The following NCS1 variants were observed in gnomAD, a reference collection of about 807,000 sequenced individuals.
The protein encoded by NCS1 is neuronal calcium sensor 1, also known as frequenin homolog.
Under a neutral mutation model 28.4 loss-of-function variants are expected in NCS1, and 6 were observed. The observed-to-expected ratio is 0.21, with a 90% CI of 0.12 to 0.42. The LOEUF (loss-of-function observed/expected upper bound fraction) is 0.42, where lower values mean the gene tolerates loss of function less well. Ranked by LOEUF, NCS1 falls within the 10% of genes least tolerant of loss-of-function variation. The pLI is 1.00. For synonymous variants in NCS1, 86 were observed against 99.3 expected, an observed-to-expected ratio of 0.87 and a Z score of 0.79; for missense variants, 131 against 241.4, an observed-to-expected ratio of 0.54 and a Z score of 3.03.
chr9:130,221,845 TA>T (rs377040948), intron 4 of NCS1, among the ~76,000 whole-genome samples: 702 of 2,756 alleles, frequency 0.25, 77 homozygotes, highest in East Asian at 0.37. Context: ...TATATATACA[TA>T]AATATAAATT....
rs1243030644 is a variant in NCS1 at position 130,180,243 on chromosome 9, A to T, written c.64+7516A>T. On this transcript the variant is annotated intron_variant, in intron 1 of 7. Transcript: ENST00000372398. This position sits in a 1 kb window ranked among gnomAD's most constrained non-coding sequence, Gnocchi z 4.5. Reference sequence around the variant, plus strand: ...GAGATGGGGTCTTGCCATTTTGGCCAGGTTGGTCTCAAACTCCTAGCCTCA... The same window carrying T: ...GAGATGGGGTCTTGCCATTTTGGCCTGGTTGGTCTCAAACTCCTAGCCTCA... Among the ~76,000 whole-genome samples the T allele has an allele frequency of 4.6e-5, 7 of 152,078 alleles. No individual in the cohort carries two copies. Among genetic ancestry groups the T allele is most frequent in the African/African-American group, 1.7e-4 (7 of 41,400 alleles).
chr9:130,230,475 G>A (rs1162007656), intron 7 of NCS1, among the ~76,000 whole-genome samples: 1 of 152,160 alleles, frequency 6.6e-6, no homozygotes, highest in Non-Finnish European at 1.5e-5. Context: ...TTGGGAGGCC[G>A]AAGTGGGAGG....
chr9:130,183,387 G>A (rs1554905330), intron 1 of NCS1, among the ~76,000 whole-genome samples: 1 of 152,238 alleles, frequency 6.6e-6, no homozygotes, highest in Non-Finnish European at 1.5e-5. Context: ...GGGGCCCCAG[G>A]AAGCTGGTGA....
chr9:130,210,502 C>T (rs986656625), intron 2 of NCS1, among the ~76,000 whole-genome samples: 1 of 151,784 alleles, frequency 6.6e-6, no homozygotes, highest in South Asian at 2.1e-4. Context: ...GCTGGTGGGA[C>T]GAGGTAACGG....
At chr9:130,173,715 G>C (rs1279580275) in intron 1 of NCS1, among the ~76,000 whole-genome samples, 1 of 152,158 alleles carries the variant, frequency 6.6e-6, no homozygotes, top group African/African-American at 2.4e-5. Flanking sequence ...CCGGGCAGCT[G>C]CGTGGGCCCA....
chr9:130,208,552 G>A (rs1833062162), intron 2 of NCS1, among the ~76,000 whole-genome samples: 1 of 152,136 alleles, frequency 6.6e-6, no homozygotes, highest in South Asian at 2.1e-4. Flanking sequence ...TGGGATTATG[G>A]GCATGAGCCA....
chr9:130,214,666 A>C (rs1239761003), intron 2 of NCS1, among the ~76,000 whole-genome samples: 3 of 152,206 alleles, frequency 2.0e-5, no homozygotes, highest in African/African-American at 7.2e-5. Context: ...GCCAGGGGAC[A>C]GGTCGAGGCC....
At chr9:130,174,201 G>A (rs1215705990) in intron 1 of NCS1, among the ~76,000 whole-genome samples, 1 of 152,236 alleles carries the variant, frequency 6.6e-6, no homozygotes, top group Non-Finnish European at 1.5e-5. Context: ...GGGTCCCTGT[G>A]CCGGGGGAGG....
In NCS1 at chr9:130,186,955, C is replaced by T. The variant is rs1005278589; in HGVS notation, c.65-14003C>T. On this transcript the variant is annotated intron_variant, in intron 1 of 7. Coordinates refer to ENST00000372398, the MANE Select transcript of NCS1 (RefSeq NM_014286.4). This position sits in a 1 kb window ranked among gnomAD's most constrained non-coding sequence, Gnocchi z 4.1. ...GCTTATGTGGCCAGAAGCAGATCCG[C>T]GGAAGTCCCTTGGCCTCTCCAAGCT... Among the ~76,000 whole-genome samples the T allele has an allele frequency of 6.6e-5, 10 of 152,310 alleles. No individual in the cohort carries two copies. The highest frequency in any genetic ancestry group is 1.2e-4 in the African/African-American group (5 of 41,566).
rs1438362234 is a variant in NCS1, at chr9:130,181,999, G to T, written c.64+9272G>T. Reference sequence around the variant, plus strand: ...CCAAAGGCTGGGAGCTCAGCTGCCAGGTCTGGAACCAGGTGATAAGCTGCC... The same window carrying T: ...CCAAAGGCTGGGAGCTCAGCTGCCATGTCTGGAACCAGGTGATAAGCTGCC... On this transcript the variant is annotated intron_variant, in intron 1 of 7. Coordinates refer to ENST00000372398, the MANE Select transcript of NCS1 (RefSeq NM_014286.4). This position sits in a 1 kb window ranked among gnomAD's most constrained non-coding sequence, Gnocchi z 5.0. Among the ~76,000 whole-genome samples, 1 of 152,082 alleles carries T rather than the reference G, an allele frequency of 6.6e-6. No homozygotes were observed. Among genetic ancestry groups the T allele is most frequent in the South Asian group, 2.1e-4 (1 of 4,830 alleles).
At chr9:130,200,900 C>G in intron 1 of NCS1, 58 bp from the exon 2 acceptor site, 1 of 1,610,498 alleles carries the variant, frequency 6.2e-7, no homozygotes, top group African/African-American at 1.3e-5. Flanking sequence ...GAATGTCTGC[C>G]CATCTCCCGG....
At chr9:130,200,838 G>T in intron 1 of NCS1, 120 bp from the exon 2 acceptor site, 1 of 1,488,330 alleles carries the variant, frequency 6.7e-7, no homozygotes, top group South Asian at 1.1e-5. Flanking sequence ...GCAGGCCGTT[G>T]CCCGGGGACA....
At chr9:130,176,486 G>A (rs1832573357) in intron 1 of NCS1, among the ~76,000 whole-genome samples, 1 of 152,074 alleles carries the variant, frequency 6.6e-6, no homozygotes, top group South Asian at 2.1e-4. Context: ...CTGAGCCACC[G>A]CACCCGGCCT....
At chr9:130,176,332 A>G (rs1348825524) in intron 1 of NCS1, among the ~76,000 whole-genome samples, 1 of 151,464 alleles carries the variant, frequency 6.6e-6, no homozygotes, top group Non-Finnish European at 1.5e-5. Context: ...AGCTGGGACC[A>G]TGGGTGTACA....
chr9:130,218,366 CAT>C (rs779524831), intron 3 of NCS1, among the ~76,000 whole-genome samples: 8 of 152,230 alleles, frequency 5.3e-5, no homozygotes, highest in Non-Finnish European at 7.3e-5. Context: ...GAAATGCACA[CAT>C]ATGCACACAA....
chr9:130,189,879 A>AAAAAATAT (rs1554906056), intron 1 of NCS1, among the ~76,000 whole-genome samples: 2 of 37,748 alleles, frequency 5.3e-5, no homozygotes, highest in African/African-American at 1.2e-4. Flanking sequence ...AAAAAAAAAA[A>AAAAAATAT]ATATATATAT....
At chr9:130,208,109 A>C (rs1279385023) in intron 2 of NCS1, among the ~76,000 whole-genome samples, 1 of 151,256 alleles carries the variant, frequency 6.6e-6, no homozygotes, top group Non-Finnish European at 1.5e-5. Context: ...CATTATCCTG[A>C]GTGGAGACAG....
intron 1 of NCS1, among the ~76,000 whole-genome samples, chr9:130,173,311 C>G (rs1588104712): frequency 6.6e-6 from 1 of 152,126 alleles, no homozygotes; most frequent in East Asian, 1.9e-4. Context: ...TCCCTGGCCC[C>G]ATCTCTGTCT....
At chr9:130,229,787 G>A (rs1554911875) in intron 7 of NCS1, among the ~76,000 whole-genome samples, 1 of 152,178 alleles carries the variant, frequency 6.6e-6, no homozygotes, top group African/African-American at 2.4e-5. Context: ...CTACGCGGTA[G>A]TGATTATATC....
Sources: allele counts gnomAD v4.1 joint callset (sites outside exome capture counted in the v4.1 genomes callset), GRCh38; gene constraint gnomAD v4.1.1; non-coding constraint Gnocchi (gnomAD v3.1); transcripts MANE v1.5; gene names NCBI Gene and HGNC (gene_info 2026-07-23, HGNC 2026-07-21).